AGBL4: variants seen among roughly 807,000 people sequenced by gnomAD.
The protein encoded by AGBL4 is AGBL carboxypeptidase 4, also known as cytosolic carboxypeptidase 6.
Under a neutral mutation model 66.4 loss-of-function variants are expected in AGBL4, and 58 were observed. That is an observed-to-expected ratio of 0.87 (90% CI 0.71 to 1.09). AGBL4 has a LOEUF of 1.09. Among genes scored for constraint, AGBL4 ranks in the 50% least tolerant of loss-of-function variants. The pLI, the probability that AGBL4 is intolerant of heterozygous loss-of-function variation, is 0.00. For missense variants in AGBL4, 579 were observed against 631.0 expected (o/e 0.92, Z 0.88); for synonymous variants, 234 against 222.9 (o/e 1.05, Z -0.44).
At chr1:48,558,338 G>C (rs1644351305) in intron 11 of AGBL4, among the ~76,000 whole-genome samples, 1 of 152,154 alleles carries the variant, frequency 6.6e-6, no homozygotes, top group Non-Finnish European at 1.5e-5. Context: ...GTGGACATTT[G>C]TCTTGCTTTG....
At chr1:48,703,287 C>T (rs776664683) in intron 6 of AGBL4, among the ~76,000 whole-genome samples, 2 of 151,842 alleles carry the variant, frequency 1.3e-5, no homozygotes, top group Non-Finnish European at 2.9e-5. Context: ...TACGGCAAGT[C>T]GGGACAAAAT....
intron 5 of AGBL4, among the ~76,000 whole-genome samples, chr1:48,967,823 T>C (rs931007009): frequency 2.6e-5 from 4 of 152,144 alleles, no homozygotes; most frequent in Non-Finnish European, 5.9e-5. Context: ...GATTAACTTG[T>C]TACAGGTAAG....
chr1:49,919,703 A>G (rs1188163879), intron 1 of AGBL4, among the ~76,000 whole-genome samples: 1 of 152,102 alleles, frequency 6.6e-6, no homozygotes, highest in Non-Finnish European at 1.5e-5. Flanking sequence ...CCATCAAGCT[A>G]CCAATGACTT....
intron 2 of AGBL4, among the ~76,000 whole-genome samples, chr1:49,758,275 T>C (rs116855765): frequency 6.6e-6 from 1 of 152,068 alleles, no homozygotes; most frequent in Admixed American, 6.6e-5. Context: ...TTGCTGTGGG[T>C]AGGGAGAGCT....
At chr1:49,330,052 G>A (rs1645302256) in intron 3 of AGBL4, among the ~76,000 whole-genome samples, 1 of 152,198 alleles carries the variant, frequency 6.6e-6, no homozygotes, top group Non-Finnish European at 1.5e-5. Context: ...GAGGAAATTA[G>A]ACATCCATGT....
At chr1:48,702,747 T>C (rs1646821980) in intron 6 of AGBL4, among the ~76,000 whole-genome samples, 1 of 152,154 alleles carries the variant, frequency 6.6e-6, no homozygotes, top group African/African-American at 2.4e-5. Flanking sequence ...AGGTAGTGCA[T>C]GCTGCAGGGA....
chr1:49,386,849 A>G lies in AGBL4; in HGVS notation c.283-140985T>C, dbSNP rs12035233. Among the ~76,000 whole-genome samples the G allele has an allele frequency of 8.1e-4, 123 of 152,068 alleles. 2 individuals carry two copies. In the East Asian group the frequency reaches 0.019, roughly 24 times the overall value. Reference sequence around the variant, plus strand: ...TCTCTAGCTAGTTAATTCATGATAAAGCTGTGAGACCTTGGGCAAGGTTTA... The same window carrying G: ...TCTCTAGCTAGTTAATTCATGATAAGGCTGTGAGACCTTGGGCAAGGTTTA... On this transcript the variant is annotated intron_variant, in intron 3 of 13. Coordinates refer to ENST00000371839, the MANE Select transcript of AGBL4 (RefSeq NM_032785.4).
intron 4 of AGBL4, among the ~76,000 whole-genome samples, chr1:49,088,506 G>C (rs1172889362): frequency 6.6e-6 from 1 of 152,022 alleles, no homozygotes; most frequent in Non-Finnish European, 1.5e-5. Flanking sequence ...AGACAAAGAA[G>C]GGCATTACAT....
At chr1:49,352,153 A>G (rs934414803) in intron 3 of AGBL4, among the ~76,000 whole-genome samples, 5 of 152,148 alleles carry the variant, frequency 3.3e-5, no homozygotes, top group Non-Finnish European at 7.3e-5. Context: ...TTCATTCAAC[A>G]TACTCACAGA....
At chr1:48,932,038 G>A (rs1655081142) in intron 5 of AGBL4, among the ~76,000 whole-genome samples, 1 of 152,066 alleles carries the variant, frequency 6.6e-6, no homozygotes, top group South Asian at 2.1e-4. Context: ...GAGACTCTAA[G>A]GTTCTGCTGC....
chr1:49,461,625 C>A (rs557619212), intron 3 of AGBL4, among the ~76,000 whole-genome samples: 2 of 147,948 alleles, frequency 1.4e-5, no homozygotes, highest in Admixed American at 6.7e-5. Flanking sequence ...CCCAGCCCCC[C>A]ACCCTACCAA....
At chr1:49,061,562 C>T (rs1288133382) in intron 4 of AGBL4, among the ~76,000 whole-genome samples, 1 of 152,094 alleles carries the variant, frequency 6.6e-6, no homozygotes, top group East Asian at 1.9e-4. Context: ...GGAAGTCCTA[C>T]CTAATGGTGC....
At chr1:49,488,495 G>A (rs182500077) in intron 3 of AGBL4, among the ~76,000 whole-genome samples, 2 of 151,656 alleles carry the variant, frequency 1.3e-5, no homozygotes, top group East Asian at 3.9e-4. Flanking sequence ...TCACATCAGG[G>A]TAAGTGGGTT....
chr1:48,879,340 G>A (rs577918331), intron 5 of AGBL4, among the ~76,000 whole-genome samples: 3 of 151,874 alleles, frequency 2.0e-5, no homozygotes, highest in South Asian at 2.1e-4. Context: ...GAAGTAGCAC[G>A]CAATGAAAAA....
chr1:48,657,526 G>A (rs1447277456), intron 7 of AGBL4, among the ~76,000 whole-genome samples: 1 of 152,218 alleles, frequency 6.6e-6, no homozygotes, highest in Non-Finnish European at 1.5e-5. Context: ...TGGAGGTAGG[G>A]TGCAGGCATA....
At chr1:48,776,715 G>A (rs1297732695) in intron 6 of AGBL4, 1 of 1,524,872 alleles carries the variant, frequency 6.6e-7, no homozygotes, top group Non-Finnish European at 8.8e-7. Context: ...CCCGGTACAC[G>A]GCGTACACCT....
intron 2 of AGBL4, among the ~76,000 whole-genome samples, chr1:49,848,472 A>G (rs1210782073): frequency 6.6e-6 from 1 of 152,252 alleles, no homozygotes; most frequent in Non-Finnish European, 1.5e-5. Context: ...ACAATGGAAT[A>G]CTATTCATCC....
chr1:49,018,995 G>T (rs1373800611), intron 5 of AGBL4, among the ~76,000 whole-genome samples: 3 of 152,096 alleles, frequency 2.0e-5, no homozygotes, highest in Non-Finnish European at 4.4e-5. Context: ...AACGATTCTG[G>T]CTTCTCCGTG....
At chr1:49,906,507 C>G (rs1398962865) in intron 1 of AGBL4, among the ~76,000 whole-genome samples, 1 of 152,062 alleles carries the variant, frequency 6.6e-6, no homozygotes, top group African/African-American at 2.4e-5. Flanking sequence ...ATCACCCAAT[C>G]CAATTGTCTT....
Sources: allele counts gnomAD v4.1 joint callset (sites outside exome capture counted in the v4.1 genomes callset), GRCh38; gene constraint gnomAD v4.1.1; transcripts MANE v1.5; gene names NCBI Gene and HGNC (gene_info 2026-07-23, HGNC 2026-07-21).